Variants in SYNRG observed in about 807,000 individuals in gnomAD.
SYNRG encodes the protein synergin gamma.
A neutral mutation model predicts 130.9 loss-of-function variants in SYNRG; 37 were observed. The ratio of observed to expected loss-of-function variants is 0.28; its 90% CI spans 0.22 to 0.37. SYNRG has a LOEUF of 0.37. Ranked by LOEUF, SYNRG falls within the 10% of genes least tolerant of loss-of-function variation. The pLI, the probability that SYNRG is intolerant of heterozygous loss-of-function variation, is 1.00. For synonymous variants in SYNRG, 539 were observed against 568.1 expected (o/e 0.95, Z 0.73); for missense variants, 1,338 against 1,588.9 (o/e 0.84, Z 2.68).
At chr17:37,529,985 A>C (rs534593693) in intron 19 of SYNRG, 2 of 755,526 alleles carry the variant, frequency 2.6e-6, no homozygotes, top group African/African-American at 1.8e-5. Flanking sequence ...GAGGCTTTTA[A>C]GTTACTCTAC....
Position 37,553,566 on chromosome 17 carries a change from G to A in SYNRG, c.2157C>T (p.Ala719=), listed in dbSNP as rs780446909. 40 of 1,614,064 alleles carry A rather than the reference G, an allele frequency of 2.5e-5. No homozygotes were observed. The South Asian group carries it at 4.4e-4, about 18-fold the overall frequency. The change falls in exon 14 of 22, where the codon GCC becomes GCT. Residue 719 remains alanine, a synonymous_variant. Transcript: ENST00000612223. ...CGTTGCTGGTTAGAGGAACAGGACT[G>A]GCTTCCTCTTTAAGGGCATCATATT... The part of the protein sequence containing the change: ...DDKYDALKEE[A]SPVPLTSNVG...
At chr17:37,519,814 C>T (rs978352381) in intron 21 of SYNRG, among the ~76,000 whole-genome samples, 1 of 152,148 alleles carries the variant, frequency 6.6e-6, no homozygotes, top group Non-Finnish European at 1.5e-5. Flanking sequence ...ACTCTAAAAC[C>T]CAATTTGCTG....
intron 19 of SYNRG, among the ~76,000 whole-genome samples, chr17:37,522,699 G>A (rs1314835029): frequency 6.6e-6 from 1 of 150,404 alleles, no homozygotes; most frequent in Non-Finnish European, 1.5e-5. Flanking sequence ...GGAGTGCAGT[G>A]GCGCAATCTC....
At chr17:37,549,131 CAAAA>C (rs902288633) in intron 14 of SYNRG, among the ~76,000 whole-genome samples, 1 of 52,444 alleles carries the variant, frequency 1.9e-5, no homozygotes, top group Non-Finnish European at 4.1e-5. Flanking sequence ...AACCTGGTCT[CAAAA>C]AAAAAAAAAA....
Position 37,571,808 on chromosome 17 carries a change from T to C in SYNRG, c.1081A>G (p.Met361Val), listed in dbSNP as rs1043308472. The C allele has an allele frequency of 2.5e-6, 4 of 1,610,566 alleles. No individual in the cohort carries two copies. The African/African-American group carries it at 4.0e-5, about 16-fold the overall frequency. ...TKEELYTVLA[M>V]IAVTQRGVPA... is the part of the protein sequence containing the mutation. ...TTGTTTACCTGTGTTACCGCTATCA[T>C]GGCTAGAACGGTATAAAGTTCTTCT... is the stretch of plus-strand genomic sequence containing the variant. Residue 361 changes from methionine to valine, a missense_variant, in exon 9 of 22, where the codon ATG becomes GTG. Physicochemically the swap from Met to Val is conservative, Grantham distance 21 (BLOSUM62 1). Around this residue, in one of 3 missense-constraint regions of SYNRG, gnomAD observed 1,146 missense variants for 1,342.3 expected, o/e 0.85. Transcript: ENST00000612223.
rs752546796 is a variant in SYNRG at position 37,542,512 on chromosome 17, C to T, written c.2662G>A (p.Val888Met). The change falls in exon 15 of 22, where the codon GTG becomes ATG. Residue 888 changes from valine (V) to methionine (M), a missense_variant. This residue lies in a region of SYNRG where 1,146 missense variants were observed against 1,342.3 expected (regional missense o/e 0.85). Coordinates refer to ENST00000612223, the MANE Select transcript of SYNRG (RefSeq NM_007247.6). ...CAGTCATAGCTTGTAAGTGTGCTCA[C>T]TGCAAAATTGCTACTGTAGCTTCCA... ...AFGSYSSNFA[V>M]STLTSYDWSD... is the part of the protein sequence containing the mutation. The T allele has an allele frequency of 1.2e-6, 2 of 1,613,236 alleles. No individual in the cohort carries two copies. Among genetic ancestry groups the T allele is most frequent in the Non-Finnish European group, 1.7e-6 (2 of 1,180,022 alleles).
At chr17:37,587,681 C>G (rs1229152873) in intron 3 of SYNRG, among the ~76,000 whole-genome samples, 1 of 152,236 alleles carries the variant, frequency 6.6e-6, no homozygotes, top group Non-Finnish European at 1.5e-5. Context: ...GTCTTCCATT[C>G]TACCCCCAAA....
chr17:37,518,877 G>A lies in SYNRG; in HGVS notation c.*63C>T. ...GTGCAGTGCTCGCATTCTATTTATT[G>A]GTCCCTGTCACCCCGTGGGGTGTCA... On this transcript the variant is annotated 3_prime_UTR_variant, in exon 22 of 22. Coordinates refer to ENST00000612223, the MANE Select transcript of SYNRG (RefSeq NM_007247.6). 6.3e-7 allele frequency: 1 copy of A among 1,582,986 alleles called. No homozygotes were observed. Among genetic ancestry groups the A allele is most frequent in the Non-Finnish European group, 8.6e-7 (1 of 1,162,978 alleles).
intron 19 of SYNRG, among the ~76,000 whole-genome samples, chr17:37,521,584 C>T (rs1471629577): frequency 6.6e-6 from 1 of 152,136 alleles, no homozygotes; most frequent in Non-Finnish European, 1.5e-5. Context: ...GCCACTAAGG[C>T]TTCCAACTGG....
intron 1 of SYNRG, among the ~76,000 whole-genome samples, chr17:37,609,062 C>G (rs1398478476): frequency 2.1e-5 from 3 of 145,942 alleles, no homozygotes; most frequent in Non-Finnish European, 3.0e-5. Context: ...CCGCTCGATT[C>G]CAGGCGGCCG....
chr17:37,606,653 GA>G (rs201342494), intron 1 of SYNRG, among the ~76,000 whole-genome samples: 2 of 147,412 alleles, frequency 1.4e-5, no homozygotes, highest in South Asian at 2.1e-4. Flanking sequence ...CTTGATTAAA[GA>G]AAAAAAAAAT....
intron 1 of SYNRG, chr17:37,605,915 A>G: frequency 3.0e-6 from 3 of 985,390 alleles, no homozygotes; most frequent in Non-Finnish European, 3.6e-6. Flanking sequence ...CTACATAAAG[A>G]CTTCCTAATG....
intron 19 of SYNRG, among the ~76,000 whole-genome samples, chr17:37,525,472 G>A (rs537780620): frequency 1.3e-5 from 2 of 152,304 alleles, no homozygotes; most frequent in East Asian, 3.9e-4. Context: ...GGTAGGATGG[G>A]CCTTCCCTGC....
chr17:37,596,093 T>C (rs2062745558), intron 3 of SYNRG, 130 bp downstream of exon 3: 1 of 1,044,496 alleles, frequency 9.6e-7, no homozygotes, highest in Non-Finnish European at 1.4e-6. Flanking sequence ...ATCTTCATTT[T>C]AGTTTGAAGG....
At chr17:37,600,581 C>T (rs1277167847) in intron 1 of SYNRG, 178 bp from the exon 2 acceptor site, 1 of 722,816 alleles carries the variant, frequency 1.4e-6, no homozygotes, top group Admixed American at 2.1e-5. Context: ...TGTCAGCATG[C>T]TACTGCAGAC....
intron 19 of SYNRG, among the ~76,000 whole-genome samples, chr17:37,535,096 C>T (rs2057064298): frequency 1.3e-5 from 2 of 152,054 alleles, no homozygotes; most frequent in South Asian, 4.2e-4. Context: ...CGTTTACAAG[C>T]TTATATATAT....
At chr17:37,527,651 A>G (rs1468743377) in intron 19 of SYNRG, among the ~76,000 whole-genome samples, 4 of 152,352 alleles carry the variant, frequency 2.6e-5, no homozygotes, top group Middle Eastern at 6.8e-3. Flanking sequence ...CTATTTACGC[A>G]GCATTTACAT....
chr17:37,540,296 T>A (rs1228561683), intron 16 of SYNRG, 84 bp downstream of exon 16: 6 of 1,493,840 alleles, frequency 4.0e-6, no homozygotes, highest in Non-Finnish European at 5.5e-6. Context: ...ATTTTCCCCA[T>A]GTGAAAGCTG....
chr17:37,538,346 A>C lies in SYNRG; in HGVS notation c.3495T>G (p.Ala1165=). The C allele has an allele frequency of 6.2e-7, 1 of 1,610,094 alleles. No individual in the cohort carries two copies. The highest frequency in any genetic ancestry group is 8.5e-7 in the Non-Finnish European group (1 of 1,178,902). ...SSVCTEVIQS[A]QGMEYLLGVV... ...TACCTAATAAATATTCCATGCCTTG[A>C]GCTGACTGAATTACTTCTGTGCAAA... The change falls in exon 18 of 22, where the codon GCT becomes GCG. Residue 1165 remains alanine, a synonymous_variant. Coordinates refer to ENST00000612223, the MANE Select transcript of SYNRG (RefSeq NM_007247.6).
Sources: gnomAD v4.1 joint callset for allele counts (sites outside exome capture counted in the v4.1 genomes callset) on GRCh38, gnomAD v4.1.1 for gene constraint, gnomAD v4.1.1 regional missense constraint, MANE v1.5 for transcripts, NCBI Gene and HGNC (gene_info 2026-07-23, HGNC 2026-07-21) for gene names.